The following MARF1 variants were observed in gnomAD, a reference collection of about 807,000 sequenced individuals.
MARF1 encodes limkain-b1.
A neutral mutation model predicts 168.2 loss-of-function variants in MARF1; 24 were observed. The observed-to-expected ratio is 0.14, with a 90% CI of 0.10 to 0.20. The LOEUF (loss-of-function observed/expected upper bound fraction) is 0.20, where lower values mean the gene tolerates loss of function less well. Ranked by LOEUF, MARF1 falls within the 10% of genes least tolerant of loss-of-function variation. The pLI is 1.00. For synonymous variants in MARF1, 868 were observed against 822.4 expected, an observed-to-expected ratio of 1.06 and a Z score of -0.95; for missense variants, 1,744 against 2,143.6, an observed-to-expected ratio of 0.81 and a Z score of 3.68.
At chr16:15,642,750 G>T (rs1182989663) in intron 1 of MARF1, among the ~76,000 whole-genome samples, 1 of 152,194 alleles carries the variant, frequency 6.6e-6, no homozygotes, top group Non-Finnish European at 1.5e-5. Context: ...CCCCACCAGG[G>T]GTCAGACAGG....
At position 15,594,861 on chromosome 16, in the gene MARF1, T is replaced by A. The variant is rs1043794201; in HGVS notation, c.*1832A>T. 1 of 152,544 alleles carries A rather than the reference T, an allele frequency of 6.6e-6. No individual in the cohort carries two copies. The highest frequency in any genetic ancestry group is 1.5e-5 in the Non-Finnish European group (1 of 68,032). The allele number at this position is 152,544 out of a possible 1,614,324, so 9.4% of individuals were successfully genotyped here. On this transcript the variant is annotated 3_prime_UTR_variant, in exon 27 of 27. Coordinates refer to ENST00000396368, the MANE Select transcript of MARF1 (RefSeq NM_014647.4). ...CACACTCACGGGACAGCACAGAACT[T>A]GATTCTTCTTTGTCTGTTGCCCAAA...
At chr16:15,609,752 A>C in intron 19 of MARF1, 27 bp from the exon 20 acceptor site, 2 of 1,592,596 alleles carry the variant, frequency 1.3e-6, no homozygotes, top group Non-Finnish European at 1.7e-6. Flanking sequence ...AAAACATAAA[A>C]TCACAGTTTT....
At position 15,608,565 on chromosome 16, in the gene MARF1, G is replaced by A. The variant is rs764209196; in HGVS notation, c.3955-47C>T. 30 of 1,410,282 alleles carry A rather than the reference G, an allele frequency of 2.1e-5. No individual in the cohort carries two copies. In the Admixed American group the frequency reaches 5.4e-4, roughly 25 times the overall value. 87.4% of individuals were successfully genotyped at this position (1,410,282 alleles called of 1,614,324 possible). A position where few individuals can be genotyped will look rare whatever the true frequency, so the allele number is the denominator to read the frequency against. ...GGAAAGGGAAAATAAACAAATCACGGGTGTTTACAGAATAGCAAAAAAAGT... is the reference window on the plus strand; with the variant it reads ...GGAAAGGGAAAATAAACAAATCACGAGTGTTTACAGAATAGCAAAAAAAGT... On this transcript the variant is annotated intron_variant, in intron 20 of 26. Transcript: ENST00000396368.
intron 5 of MARF1, 94 bp from the exon 6 acceptor site, chr16:15,631,592 T>G: frequency 1.3e-6 from 1 of 787,082 alleles, no homozygotes; most frequent in South Asian, 1.8e-5. Flanking sequence ...TAAATTTTAT[T>G]ATACTTTAAG....
intron 16 of MARF1, among the ~76,000 whole-genome samples, 186 bp from the exon 17 acceptor site, chr16:15,612,963 T>C (rs982189163): frequency 1.3e-5 from 2 of 152,186 alleles, no homozygotes; most frequent in Non-Finnish European, 2.9e-5. Context: ...GCTAACTAAC[T>C]TATTCACGGG....
intron 7 of MARF1, among the ~76,000 whole-genome samples, chr16:15,628,032 T>TA (rs1014574810): frequency 1.4e-4 from 22 of 152,200 alleles, no homozygotes; most frequent in South Asian, 1.0e-3. Flanking sequence ...CTGGAAATGG[T>TA]AAAAAACAAA....
Position 15,614,312 on chromosome 16 carries a change from C to T in MARF1, c.3253+1518G>A, listed in dbSNP as rs1050152015. The stretch of plus-strand genomic sequence containing the variant: ...CCTTGCTAACACGGTGAAACCCTGT[C>T]TCTACTAAAAATACAAAAAAAATAG... On this transcript the variant is annotated intron_variant, in intron 16 of 26. Transcript: ENST00000396368. 4.8e-5 allele frequency among the ~76,000 whole-genome samples: 7 copies of T among 146,324 alleles called. 1 individual carries two copies. In the South Asian group the frequency reaches 1.5e-3, roughly 32 times the overall value.
Position 15,635,702 on chromosome 16 carries a change from G to C in MARF1, c.785C>G (p.Pro262Arg). 6.2e-7 allele frequency: 1 copy of C among 1,614,088 alleles called. No homozygotes were observed. Among genetic ancestry groups the C allele is most frequent in the Non-Finnish European group, 8.5e-7 (1 of 1,180,038 alleles). ...TNSLHLNVVPPVCLKGSLYCE... is the reference protein window; with the variant it reads ...TNSLHLNVVPRVCLKGSLYCE... ...GTAAAGTGAGCCCTTTAAACAAACC[G>C]GAGGTACCACATTAAGGTGCAAAGA... is the stretch of plus-strand genomic sequence containing the variant. Residue 262 changes from proline (P) to arginine (R), a missense_variant, in exon 3 of 27, where the codon CCG becomes CGG. Pro to Arg is a moderately radical substitution (Grantham distance 103, BLOSUM62 -2). This residue lies in a region of MARF1 where 318 missense variants were observed against 336.6 expected (regional missense o/e 0.94). Transcript: ENST00000396368.
At chr16:15,630,582 CCACT>C in intron 6 of MARF1, 78 bp from the exon 7 acceptor site, 1 of 1,317,828 alleles carries the variant, frequency 7.6e-7, no homozygotes, top group Non-Finnish European at 1.0e-6. Context: ...CTATTGACAC[CCACT>C]GAGAAGAAAG....
intron 23 of MARF1, chr16:15,600,905 T>G: frequency 2.8e-6 from 2 of 706,450 alleles, no homozygotes; most frequent in Admixed American, 2.0e-5. Context: ...AAAAGCAGAG[T>G]AGTTCAAAAA....
rs1204315575 is a variant in MARF1 at position 15,594,869 on chromosome 16, CTTT to C, written c.*1821_*1823del. ...CGGGACAGCACAGAACTTGATTCTT[CTTT>C]GTCTGTTGCCCAAAGAACCTGTTCT... On this transcript the variant is annotated 3_prime_UTR_variant, in exon 27 of 27. Transcript: ENST00000396368. 3 of 152,560 alleles carry C rather than the reference CTTT, an allele frequency of 2.0e-5. No individual in the cohort carries two copies. Among genetic ancestry groups the C allele is most frequent in the Non-Finnish European group, 4.4e-5 (3 of 68,024 alleles). The allele number at this position is 152,560 out of a possible 1,614,324, so 9.5% of individuals were successfully genotyped here. A position where few individuals can be genotyped will look rare whatever the true frequency, so the allele number is the denominator to read the frequency against.
At chr16:15,597,078 T>C (rs147691151) in intron 26 of MARF1, 141 bp from the exon 27 acceptor site, 69 of 939,178 alleles carry the variant, frequency 7.3e-5, no homozygotes, top group African/African-American at 2.0e-4. Flanking sequence ...ACAGTTTACA[T>C]ATGAGTTGTG....
chr16:15,623,428 C>T (rs1477531012), intron 10 of MARF1, among the ~76,000 whole-genome samples: 1 of 151,810 alleles, frequency 6.6e-6, no homozygotes, highest in Non-Finnish European at 1.5e-5. Context: ...TACAGGCATG[C>T]ACCACTACAC....
intron 7 of MARF1, among the ~76,000 whole-genome samples, chr16:15,626,837 C>T (rs945061232): frequency 2.0e-5 from 3 of 151,774 alleles, no homozygotes; most frequent in South Asian, 4.2e-4. Flanking sequence ...GTGGCAGACG[C>T]CTGTAATCCC....
chr16:15,602,557 G>A (rs753636074), intron 22 of MARF1: 6 of 472,014 alleles, frequency 1.3e-5, no homozygotes, highest in Non-Finnish European at 2.0e-5. Context: ...CGACGAATTG[G>A]ACAAAGACAA....
rs756951345 is a variant in MARF1 at position 15,617,528 on chromosome 16, G to A, written c.2728C>T (p.His910Tyr). ...TATAGATCTGACACATTCAACTTGT[G>A]TCCAAACCTAAAAGCAAGAGAAGAG... ...FTDIYEKKFG[H>Y]KLNVSDLYKL... Residue 910 changes from histidine (H) to tyrosine (Y), a missense_variant, in exon 14 of 27, where the codon CAC becomes TAC. By Grantham distance (83) the His-to-Tyr change is moderately conservative (BLOSUM62 2). Coordinates refer to ENST00000396368, the MANE Select transcript of MARF1 (RefSeq NM_014647.4). The A allele has an allele frequency of 6.2e-7, 1 of 1,606,708 alleles. No homozygotes were observed. The highest frequency in any genetic ancestry group is 8.5e-7 in the Non-Finnish European group (1 of 1,175,678).
intron 18 of MARF1, 129 bp downstream of exon 18, chr16:15,611,463 A>C (rs1377887108): frequency 9.3e-6 from 8 of 858,874 alleles, no homozygotes; most frequent in South Asian, 4.2e-5. Context: ...AAAAAAAAAA[A>C]AACAAAAAAC....
chr16:15,605,510 C>T (rs781041392), intron 21 of MARF1, among the ~76,000 whole-genome samples: 2 of 152,072 alleles, frequency 1.3e-5, no homozygotes, highest in Admixed American at 6.5e-5. Context: ...AATCAACCAA[C>T]CGATACAAGT....
chr16:15,622,599 T>TC lies in MARF1; in HGVS notation c.2460+334dup, dbSNP rs1189679383. ...GACGGGGTTTCACTCGCCAGGCTGGTCTCAAACTCCTGACCTCAGGTGATC... is the reference window on the plus strand; with the variant it reads ...GACGGGGTTTCACTCGCCAGGCTGGTCCTCAAACTCCTGACCTCAGGTGATC... On this transcript the variant is annotated intron_variant, in intron 11 of 26. Transcript: ENST00000396368. Among the ~76,000 whole-genome samples the TC allele has an allele frequency of 8.5e-5, 13 of 152,166 alleles. No individual in the cohort carries two copies. In the East Asian group the frequency reaches 2.5e-3, roughly 30 times the overall value.
Sources: allele counts gnomAD v4.1 joint callset (sites outside exome capture counted in the v4.1 genomes callset), GRCh38; gene constraint gnomAD v4.1.1; regional missense constraint gnomAD v4.1.1; transcripts MANE v1.5; gene names NCBI Gene and HGNC (gene_info 2026-07-23, HGNC 2026-07-21).